Variants in EBF1 observed in about 807,000 individuals in gnomAD.
EBF1 encodes transcription factor COE1.
In EBF1, 10 loss-of-function variants were observed where a neutral mutation model predicts 68.4. The ratio of observed to expected loss-of-function variants is 0.15; its 90% CI spans 0.09 to 0.25. The LOEUF (loss-of-function observed/expected upper bound fraction) is 0.25, where lower values mean the gene tolerates loss of function less well. Among genes scored for constraint, EBF1 ranks in the 10% least tolerant of loss-of-function variants. The pLI is 1.00. For synonymous variants in EBF1, 298 were observed against 299.8 expected, an observed-to-expected ratio of 0.99 and a Z score of 0.06; for missense variants, 509 against 794.4, an observed-to-expected ratio of 0.64 and a Z score of 4.32.
intron 4 of EBF1, among the ~76,000 whole-genome samples, chr5:159,092,505 T>A (rs1781833169): frequency 6.6e-6 from 1 of 152,222 alleles, no homozygotes; most frequent in African/African-American, 2.4e-5. Context: ...TGAGACACTT[T>A]GAAAAGGTGT....
At chr5:158,831,514 A>G (rs184530246) in intron 7 of EBF1, among the ~76,000 whole-genome samples, 55 of 152,296 alleles carry the variant, frequency 3.6e-4, no homozygotes, top group African/African-American at 1.3e-3. Context: ...GAGTCAGACA[A>G]TAAGTAAGCA....
At chr5:158,808,024 T>C in intron 8 of EBF1, among the ~76,000 whole-genome samples, 1 of 152,188 alleles carries the variant, frequency 6.6e-6, no homozygotes, top group East Asian at 1.9e-4. Context: ...CTTTCATTAT[T>C]CAGAGCCTTA....
intron 6 of EBF1, among the ~76,000 whole-genome samples, chr5:158,901,268 G>A (rs540794918): frequency 6.6e-6 from 1 of 152,166 alleles, no homozygotes; most frequent in Non-Finnish European, 1.5e-5. Context: ...TTAGTTCTCT[G>A]TAATTGTCCT....
At chr5:158,835,456 C>G (rs1482634700) in intron 7 of EBF1, among the ~76,000 whole-genome samples, 1 of 152,162 alleles carries the variant, frequency 6.6e-6, no homozygotes, top group Non-Finnish European at 1.5e-5. Context: ...TCCTCACTTC[C>G]ACACAACTCT....
intron 6 of EBF1, among the ~76,000 whole-genome samples, chr5:159,029,750 T>A (rs1258843853): frequency 1.3e-5 from 2 of 152,142 alleles, no homozygotes; most frequent in Non-Finnish European, 2.9e-5. Flanking sequence ...AGGTCAGGAA[T>A]TCGAGACCAG....
chr5:158,722,807 G>A (rs559400233), intron 11 of EBF1, among the ~76,000 whole-genome samples: 1 of 152,246 alleles, frequency 6.6e-6, no homozygotes, highest in African/African-American at 2.4e-5. Flanking sequence ...TGTTACTCAG[G>A]GCTGAAAATA....
At chr5:158,972,086 CT>C (rs1192603833) in intron 6 of EBF1, among the ~76,000 whole-genome samples, 1 of 152,224 alleles carries the variant, frequency 6.6e-6, no homozygotes, top group African/African-American at 2.4e-5. Context: ...GAAACTTCAG[CT>C]TACACAAAAG....
chr5:158,747,185 A>G (rs1767772120), intron 10 of EBF1, among the ~76,000 whole-genome samples: 1 of 152,308 alleles, frequency 6.6e-6, no homozygotes, highest in African/African-American at 2.4e-5. Context: ...CTGAATCACA[A>G]CTAAAACTCA....
chr5:159,038,691 G>A (rs529806858), intron 6 of EBF1, among the ~76,000 whole-genome samples: 10 of 152,194 alleles, frequency 6.6e-5, no homozygotes, highest in Admixed American at 2.0e-4. Context: ...TAATATTTGC[G>A]CTGTTTTGGG....
At chr5:158,794,030 T>C (rs1011340295) in intron 9 of EBF1, among the ~76,000 whole-genome samples, 7 of 152,136 alleles carry the variant, frequency 4.6e-5, no homozygotes, top group Non-Finnish European at 1.0e-4. Flanking sequence ...GCTAATGCAG[T>C]TGGATTTGCT....
chr5:158,894,173 G>A (rs971857750), intron 6 of EBF1, among the ~76,000 whole-genome samples: 4 of 152,062 alleles, frequency 2.6e-5, no homozygotes, highest in Non-Finnish European at 5.9e-5. Context: ...CAGCAAACAT[G>A]GCAGAGTCCA....
At chr5:158,883,871 C>T (rs1799456250) in intron 6 of EBF1, among the ~76,000 whole-genome samples, 2 of 152,106 alleles carry the variant, frequency 1.3e-5, no homozygotes, top group Non-Finnish European at 2.9e-5. Context: ...AGCTCACAGT[C>T]TATTATAAGA....
intron 6 of EBF1, among the ~76,000 whole-genome samples, chr5:158,869,860 G>C (rs1796579387): frequency 6.6e-6 from 1 of 152,068 alleles, no homozygotes; most frequent in African/African-American, 2.4e-5. Flanking sequence ...CCTTTCTTTT[G>C]AATGAGAAAG....
chr5:158,723,626 A>G lies in EBF1; in HGVS notation c.1125+7443T>C, dbSNP rs113496830. 1.2e-3 allele frequency among the ~76,000 whole-genome samples: 183 copies of G among 152,084 alleles called. 1 individual carries two copies. The highest frequency in any genetic ancestry group is 4.0e-3 in the African/African-American group (166 of 41,490). ...TCCTATTTTCAAAACTCTATAAAAG[A>G]CTCTAAATGGATTACTGGTTAGGAA... On this transcript the variant is annotated intron_variant, in intron 11 of 15. Coordinates refer to ENST00000313708, the MANE Select transcript of EBF1 (RefSeq NM_024007.5).
At chr5:158,743,589 A>G (rs557816580) in intron 10 of EBF1, among the ~76,000 whole-genome samples, 34 of 152,342 alleles carry the variant, frequency 2.2e-4, no homozygotes, top group African/African-American at 7.0e-4. Context: ...ATGGAAAATA[A>G]AAGACCAACT....
At chr5:158,786,830 A>G (rs1777544853) in intron 9 of EBF1, among the ~76,000 whole-genome samples, 1 of 152,196 alleles carries the variant, frequency 6.6e-6, no homozygotes, top group Non-Finnish European at 1.5e-5. Flanking sequence ...TGGAATTAGT[A>G]AAGAAAAATA....
chr5:159,096,424 G>A lies in EBF1; in HGVS notation c.292-18C>T. 3 of 1,611,748 alleles carry A rather than the reference G, an allele frequency of 1.9e-6. No individual in the cohort carries two copies. The highest frequency in any genetic ancestry group is 2.5e-6 in the Non-Finnish European group (3 of 1,178,878). ...TTGGCTTCCTGGGTTGCATCAGGAC[G>A]CAAAGACACAAGAGATGCAGGAGAG... On this transcript the variant is annotated intron_variant, in intron 2 of 15. Coordinates refer to ENST00000313708, the MANE Select transcript of EBF1 (RefSeq NM_024007.5).
At chr5:158,937,096 A>G (rs571223729) in intron 6 of EBF1, among the ~76,000 whole-genome samples, 1 of 152,082 alleles carries the variant, frequency 6.6e-6, no homozygotes, top group Non-Finnish European at 1.5e-5. Flanking sequence ...CTCTGCCCTC[A>G]ATAGTACAAT....
chr5:158,846,526 G>A (rs949933863), intron 6 of EBF1, among the ~76,000 whole-genome samples: 1 of 152,228 alleles, frequency 6.6e-6, no homozygotes, highest in Admixed American at 6.5e-5. Context: ...CCTCCTGGTA[G>A]CCTTCAAAGA....
Sources: allele counts gnomAD v4.1 joint callset (sites outside exome capture counted in the v4.1 genomes callset), GRCh38; gene constraint gnomAD v4.1.1; transcripts MANE v1.5; gene names NCBI Gene and HGNC (gene_info 2026-07-23, HGNC 2026-07-21).